Variants in WDR25 observed in about 807,000 individuals in gnomAD.
The protein encoded by WDR25 is WD repeat-containing protein 25.
Under a neutral mutation model 47.7 loss-of-function variants are expected in WDR25, and 35 were observed. The ratio of observed to expected loss-of-function variants is 0.73; its 90% confidence interval spans 0.56 to 0.97. The LOEUF is 0.97. Among genes scored for constraint, WDR25 ranks in the 50% least tolerant of loss-of-function variants. WDR25 has a pLI of 0.00. For missense variants in WDR25, 634 were observed against 704.7 expected (o/e 0.90, Z 1.14); for synonymous variants, 248 against 278.9 (o/e 0.89, Z 1.10).
chr14:100,463,524 G>C (rs1899499209), intron 2 of WDR25, among the ~76,000 whole-genome samples: 1 of 152,108 alleles, frequency 6.6e-6, no homozygotes, highest in African/African-American at 2.4e-5. Context: ...TTGGAGGCCT[G>C]GGGCTGAGAT....
chr14:100,468,274 G>A lies in WDR25; in HGVS notation c.970+106G>A. On this transcript the variant is annotated intron_variant, in intron 3 of 6. Transcript: ENST00000402312. The surrounding 1 kb of genome is among the most constrained non-coding windows in gnomAD (Gnocchi z 4.5). ...AAGCTGTATACGCTTGCGTGGCAGAGGGAGAGGGGCCTCAGGGTGGGCTCG... is the reference window on the plus strand; with the variant it reads ...AAGCTGTATACGCTTGCGTGGCAGAAGGAGAGGGGCCTCAGGGTGGGCTCG... The A allele has an allele frequency of 6.8e-7, 1 of 1,479,582 alleles. No homozygotes were observed. Among genetic ancestry groups the A allele is most frequent in the African/African-American group, 1.4e-5 (1 of 71,676 alleles). 91.7% of individuals were successfully genotyped at this position (1,479,582 alleles called of 1,614,324 possible). A position where few individuals can be genotyped will look rare whatever the true frequency, so the allele number is the denominator to read the frequency against.
chr14:100,519,293 C>G (rs1022935918), intron 4 of WDR25, among the ~76,000 whole-genome samples: 23 of 147,400 alleles, frequency 1.6e-4, no homozygotes, highest in African/African-American at 6.1e-4. Context: ...GAGAGAGATG[C>G]ATAGTGGGTT....
intron 2 of WDR25, among the ~76,000 whole-genome samples, chr14:100,446,930 A>G (rs1898854470): frequency 6.6e-6 from 1 of 152,236 alleles, no homozygotes; most frequent in African/African-American, 2.4e-5. Flanking sequence ...TGGCCACAGA[A>G]ATCCTTGACT....
rs567224257 is a variant in WDR25, at chr14:100,427,841, G to A, written c.823-40180G>A. On this transcript the variant is annotated intron_variant, in intron 2 of 6. Coordinates refer to ENST00000402312, the MANE Select transcript of WDR25 (RefSeq NM_001161476.3). Reference sequence around the variant, plus strand: ...AGGCCAGAGCTGGGGAGGGGCTGGAGCCCTGGCCTCCTGGCTCTCAGTGGC... The same window carrying A: ...AGGCCAGAGCTGGGGAGGGGCTGGAACCCTGGCCTCCTGGCTCTCAGTGGC... Among the ~76,000 whole-genome samples the A allele has an allele frequency of 2.6e-5, 4 of 152,356 alleles. No individual in the cohort carries two copies. The South Asian group carries it at 8.3e-4, about 32-fold the overall frequency.
In WDR25 at chr14:100,381,149, C is replaced by T. The variant is rs759467715; in HGVS notation, c.225C>T (p.Gly75=). The T allele has an allele frequency of 2.5e-6, 4 of 1,614,112 alleles. No homozygotes were observed. The highest frequency in any genetic ancestry group is 2.7e-5 in the African/African-American group (2 of 74,940). Residue 75 remains glycine (G), a synonymous_variant, in exon 2 of 7, where the codon GGC becomes GGT. Coordinates refer to ENST00000402312, the MANE Select transcript of WDR25 (RefSeq NM_001161476.3). ...TKHGSCEDPG[G]YRLPLAQLGR... ...ATGGCTCCTGTGAAGACCCAGGGGG[C>T]TATCGCCTTCCATTGGCTCAGCTTG...
chr14:100,479,812 G>T (rs1054264333), intron 3 of WDR25, among the ~76,000 whole-genome samples: 2 of 152,220 alleles, frequency 1.3e-5, no homozygotes. Flanking sequence ...ATTCCCGCCT[G>T]AGCTCCTTCT....
chr14:100,442,600 A>G (rs774259359), intron 2 of WDR25, among the ~76,000 whole-genome samples: 1 of 152,128 alleles, frequency 6.6e-6, no homozygotes, highest in Non-Finnish European at 1.5e-5. Context: ...CATTCCCATC[A>G]GTTTAATTTC....
At chr14:100,415,046 T>C (rs1286855720) in intron 2 of WDR25, among the ~76,000 whole-genome samples, 1 of 151,592 alleles carries the variant, frequency 6.6e-6, no homozygotes, top group Non-Finnish European at 1.5e-5. Context: ...CTGAGGATGA[T>C]GGGGACAGTG....
intron 2 of WDR25, among the ~76,000 whole-genome samples, chr14:100,389,811 T>C (rs539883777): frequency 6.6e-6 from 1 of 152,334 alleles, no homozygotes; most frequent in South Asian, 2.1e-4. Flanking sequence ...GTTCCAGGCC[T>C]GCCTTTCCTC....
rs1900880682 is a variant in WDR25, at chr14:100,500,418, G to A, written c.1101+16294G>A. Among the ~76,000 whole-genome samples, 1 of 152,188 alleles carries A rather than the reference G, an allele frequency of 6.6e-6. No individual in the cohort carries two copies. The highest frequency in any genetic ancestry group is 2.4e-5 in the African/African-American group (1 of 41,456). On this transcript the variant is annotated intron_variant, in intron 4 of 6. Transcript: ENST00000402312. This position sits in a 1 kb window ranked among gnomAD's most constrained non-coding sequence, Gnocchi z 4.7. ...CTGGCTGTGGAGGGTGGAGAAGGAGGGGTGGGGATGGTCAGATGGAGGCAT... is the reference window on the plus strand; with the variant it reads ...CTGGCTGTGGAGGGTGGAGAAGGAGAGGTGGGGATGGTCAGATGGAGGCAT...
At chr14:100,485,789 G>T (rs60577555) in intron 4 of WDR25, among the ~76,000 whole-genome samples, 1 of 151,970 alleles carries the variant, frequency 6.6e-6, no homozygotes, top group Non-Finnish European at 1.5e-5. Context: ...GGCTGGCACC[G>T]GAAGACCCTT....
At chr14:100,432,143 T>C (rs1486043157) in intron 2 of WDR25, among the ~76,000 whole-genome samples, 3 of 152,222 alleles carry the variant, frequency 2.0e-5, no homozygotes, top group African/African-American at 7.2e-5. Context: ...ATGACAATGG[T>C]TGAAATAGGA....
At chr14:100,391,329 T>C (rs575957940) in intron 2 of WDR25, among the ~76,000 whole-genome samples, 1 of 152,278 alleles carries the variant, frequency 6.6e-6, no homozygotes, top group Non-Finnish European at 1.5e-5. Flanking sequence ...GCCACCATGA[T>C]GAATGTGTGC....
At chr14:100,517,106 GTTTTTTTTTTT>G (rs796096587) in intron 4 of WDR25, among the ~76,000 whole-genome samples, 6 of 65,892 alleles carry the variant, frequency 9.1e-5, no homozygotes, top group South Asian at 4.5e-4. Flanking sequence ...TATCTCCTCT[GTTTTTTTTTTT>G]TTTTTTTTTT....
At chr14:100,444,754 A>G (rs1159633738) in intron 2 of WDR25, among the ~76,000 whole-genome samples, 2 of 152,150 alleles carry the variant, frequency 1.3e-5, no homozygotes, top group Non-Finnish European at 2.9e-5. Flanking sequence ...GAAACAGCTC[A>G]TCGTCCTCCT....
chr14:100,438,246 C>T (rs1898560374), intron 2 of WDR25, among the ~76,000 whole-genome samples: 1 of 152,198 alleles, frequency 6.6e-6, no homozygotes, highest in Non-Finnish European at 1.5e-5. Flanking sequence ...TTCAGTTATT[C>T]CTTTCCATGA....
At chr14:100,415,249 A>G (rs1897837085) in intron 2 of WDR25, among the ~76,000 whole-genome samples, 1 of 152,236 alleles carries the variant, frequency 6.6e-6, no homozygotes. Context: ...GCTCACTTCT[A>G]TTCTGTCCAG....
intron 3 of WDR25, among the ~76,000 whole-genome samples, chr14:100,474,917 A>T (rs909843446): frequency 1.3e-5 from 2 of 152,218 alleles, no homozygotes; most frequent in Non-Finnish European, 2.9e-5. Flanking sequence ...AATATGGAAA[A>T]TGCATGAGGA....
intron 2 of WDR25, among the ~76,000 whole-genome samples, chr14:100,461,871 T>C (rs780882117): frequency 5.9e-5 from 9 of 151,400 alleles, no homozygotes; most frequent in Non-Finnish European, 1.3e-4. Context: ...GTGATGGGGT[T>C]ATGGATGACT....
Sources: gnomAD v4.1 joint callset for allele counts (sites outside exome capture counted in the v4.1 genomes callset) on GRCh38, gnomAD v4.1.1 for gene constraint, Gnocchi (gnomAD v3.1) non-coding constraint, MANE v1.5 for transcripts, NCBI Gene and HGNC (gene_info 2026-07-23, HGNC 2026-07-21) for gene names.